The following CARMIL3 variants were observed in gnomAD, a reference collection of about 807,000 sequenced individuals.
The protein encoded by CARMIL3 is capping protein regulator and myosin 1 linker 3.
Under a neutral mutation model 180.8 loss-of-function variants are expected in CARMIL3, and 88 were observed. The ratio of observed to expected loss-of-function variants is 0.49; its 90% CI spans 0.41 to 0.58. The LOEUF (loss-of-function observed/expected upper bound fraction) is 0.58. Ranked by LOEUF, CARMIL3 falls within the 20% of genes least tolerant of loss-of-function variation. The pLI is 0.00. For synonymous variants in CARMIL3, 696 were observed against 714.5 expected (o/e 0.97, Z 0.41); for missense variants, 1,548 against 1,787.0 (o/e 0.87, Z 2.41).
At chr14:24,053,492 C>T (rs1023780752) in intron 1 of CARMIL3, among the ~76,000 whole-genome samples, 3 of 152,240 alleles carry the variant, frequency 2.0e-5, no homozygotes, top group Non-Finnish European at 2.9e-5. Flanking sequence ...TTTCTCCACA[C>T]CCTACTCCCT....
chr14:24,057,109 G>C lies in CARMIL3; in HGVS notation c.1063-58G>C, dbSNP rs1189388694. The C allele has an allele frequency of 3.8e-6, 6 of 1,595,430 alleles. No homozygotes were observed. The African/African-American group carries it at 6.7e-5, about 18-fold the overall frequency. On this transcript the variant is annotated intron_variant, in intron 13 of 39. Transcript: ENST00000342740. ...GGAGGCCTTCTGCCCCATGGCCTCTGGGGGTGGCGAGACTCCATCATCCCT... is the reference window on the plus strand; with the variant it reads ...GGAGGCCTTCTGCCCCATGGCCTCTCGGGGTGGCGAGACTCCATCATCCCT...
intron 1 of CARMIL3, among the ~76,000 whole-genome samples, chr14:24,052,823 CT>C (rs1422997582): frequency 2.6e-5 from 4 of 152,218 alleles, no homozygotes; most frequent in Non-Finnish European, 5.9e-5. Context: ...ATCAAGGCTT[CT>C]CCCGTTTGCA....
Position 24,061,894 on chromosome 14 carries a change from C to T in CARMIL3, c.2480+222C>T. On this transcript the variant is annotated intron_variant, in intron 27 of 39. Coordinates refer to ENST00000342740, the MANE Select transcript of CARMIL3 (RefSeq NM_138360.4). This position sits in a 1 kb window ranked among gnomAD's most constrained non-coding sequence, Gnocchi z 4.1. ...TTTAGGAGCCAAGTTTGTGCCCACA[C>T]AGGTGTACACACACATACCCACACA... The T allele has an allele frequency of 1.8e-6, 1 of 553,520 alleles. No individual in the cohort carries two copies. Among genetic ancestry groups the T allele is most frequent in the Non-Finnish European group, 3.2e-6 (1 of 312,914 alleles). The allele number at this position is 553,520 out of a possible 1,614,324, so 34.3% of individuals were successfully genotyped here.
chr14:24,055,852 C>T (rs1052836581), intron 10 of CARMIL3, 63 bp downstream of exon 10: 1 of 1,459,192 alleles, frequency 6.9e-7, no homozygotes, highest in African/African-American at 1.4e-5. Flanking sequence ...GTCCCAGAAC[C>T]TCAGAGCATG....
At chr14:24,060,540 G>A in intron 24 of CARMIL3, 88 bp from the exon 25 acceptor site, 7 of 1,543,262 alleles carry the variant, frequency 4.5e-6, no homozygotes, top group Non-Finnish European at 6.1e-6. Context: ...CACTGTCGGT[G>A]CCAGCACCAG....
At position 24,061,529 on chromosome 14, in the gene CARMIL3, G is replaced by A. The variant is rs2035733367; in HGVS notation, c.2337G>A (p.Gln779=). 2 of 1,613,886 alleles carry A rather than the reference G, an allele frequency of 1.2e-6. No homozygotes were observed. Among genetic ancestry groups the A allele is most frequent in the East Asian group, 2.2e-5 (1 of 44,874 alleles). ...TGGAGTCCATGGTCAGCCTGACACA[G>A]GAGTTATGCCCTGTGGCCATGCGGG... The part of the protein sequence containing the change: ...VILESMVSLT[Q]ELCPVAMRVA... Residue 779 remains glutamine (Q), a synonymous_variant, in exon 27 of 40, where the codon CAG becomes CAA. Coordinates refer to ENST00000342740, the MANE Select transcript of CARMIL3 (RefSeq NM_138360.4). This position sits in a 1 kb window ranked among gnomAD's most constrained non-coding sequence, Gnocchi z 4.1.
Position 24,065,104 on chromosome 14 carries a change from G to A in CARMIL3, c.3227G>A (p.Gly1076Glu), listed in dbSNP as rs1486561155. 2 of 1,560,684 alleles carry A rather than the reference G, an allele frequency of 1.3e-6. No individual in the cohort carries two copies. The highest frequency in any genetic ancestry group is 1.9e-5 in the Admixed American group (1 of 52,390). The stretch of plus-strand genomic sequence containing the variant: ...AGGGGGCCGGGGTCCCCTACCACTG[G>A]ACTCCTCCTCCCTCCACCCCCACCC... ...GDRGPGSPTT[G>E]LLLPPPPPPP... is the part of the protein sequence containing the mutation. The change falls in exon 33 of 40, where the codon GGA (glycine) becomes GAA (glutamate). Residue 1076 changes from glycine (G) to glutamate (E), a missense_variant. This residue lies in a region of CARMIL3 where 668 missense variants were observed against 687.8 expected (regional missense o/e 0.97). Transcript: ENST00000342740.
chr14:24,069,155 G>A lies in CARMIL3; in HGVS notation c.4001G>A (p.Arg1334Gln), dbSNP rs576168984. ...PEVQGPPDPGRRTAPLKPKRT... is the reference protein window; with the variant it reads ...PEVQGPPDPGQRTAPLKPKRT... ...ATTTCAGGGCCCCCTGATCCAGGCC[G>A]GCGGACTGCCCCCCTGAAGCCCAAG... Residue 1334 changes from arginine to glutamine, a missense_variant, in exon 39 of 40, where the codon CGG (arginine) becomes CAG (glutamine). Coordinates refer to ENST00000342740, the MANE Select transcript of CARMIL3 (RefSeq NM_138360.4). 36 of 1,614,124 alleles carry A rather than the reference G, an allele frequency of 2.2e-5. No homozygotes were observed. The highest frequency in any genetic ancestry group is 5.5e-5 in the South Asian group (5 of 91,086).
chr14:24,054,098 C>T lies in CARMIL3; in HGVS notation c.146C>T (p.Ser49Phe). 1 of 1,613,890 alleles carries T rather than the reference C, an allele frequency of 6.2e-7. No homozygotes were observed. Among genetic ancestry groups the T allele is most frequent in the Non-Finnish European group, 8.5e-7 (1 of 1,180,008 alleles). ...TTCCTCTCTCTGTAGGCCCTGACCTCCTGGCGCCTCCACCTCTTCCTCCTT... is the reference window on the plus strand; with the variant it reads ...TTCCTCTCTCTGTAGGCCCTGACCTTCTGGCGCCTCCACCTCTTCCTCCTT... ...KFEDRVLALT[S>F]WRLHLFLLKV... Residue 49 changes from serine (S) to phenylalanine (F), a missense_variant, in exon 3 of 40, where the codon TCC (serine) becomes TTC (phenylalanine). By Grantham distance (155) the Ser-to-Phe change is radical. This residue lies in a region of CARMIL3 where 578 missense variants were observed against 666.5 expected (regional missense o/e 0.87). Transcript: ENST00000342740. The surrounding 1 kb of genome is among the most constrained non-coding windows in gnomAD (Gnocchi z 5.1).
In CARMIL3 at chr14:24,069,551, G is replaced by T; in HGVS notation, c.*147G>T. 9.6e-7 allele frequency: 1 copy of T among 1,041,530 alleles called. No individual in the cohort carries two copies. 64.5% of individuals were successfully genotyped at this position (1,041,530 alleles called of 1,614,324 possible). A position where few individuals can be genotyped will look rare whatever the true frequency, so the allele number is the denominator to read the frequency against. ...CCAGGCATGGGGGAGCTGGAGGCAG[G>T]GACTAGAACAGAGGGAGCCACCTGG... On this transcript the variant is annotated 3_prime_UTR_variant, in exon 40 of 40. Transcript: ENST00000342740.
chr14:24,062,499 G>A lies in CARMIL3; in HGVS notation c.2500G>A (p.Val834Ile), dbSNP rs759878850. The change falls in exon 28 of 40, where the codon GTC becomes ATC. Residue 834 changes from valine to isoleucine, a missense_variant. By Grantham distance (29) the Val-to-Ile change is conservative (BLOSUM62 3). Coordinates refer to ENST00000342740, the MANE Select transcript of CARMIL3 (RefSeq NM_138360.4). ...CCACAGTGAAGTGAAGCTCTCAGTC[G>A]TCACCTACCTAACCAGCTCCATAGT... is the stretch of plus-strand genomic sequence containing the variant. The part of the protein sequence containing the change: ...NKLDEVKLSV[V>I]TYLTSSIVDE... The A allele has an allele frequency of 1.7e-5, 27 of 1,614,044 alleles. 1 individual carries two copies. The highest frequency in any genetic ancestry group is 6.7e-5 in the Admixed American group (4 of 60,012).
chr14:24,069,369 T>C lies in CARMIL3; in HGVS notation c.4094-10T>C. On this transcript the variant is annotated splice_polypyrimidine_tract_variant and intron_variant, in intron 39 of 39. Transcript: ENST00000342740. ...CAGGAAACAGGGCTCCCTGGATTTGTCCCCAGCAGGAACCAGTGAGCCAGG... is the reference window on the plus strand; with the variant it reads ...CAGGAAACAGGGCTCCCTGGATTTGCCCCCAGCAGGAACCAGTGAGCCAGG... 6.2e-7 allele frequency: 1 copy of C among 1,614,004 alleles called. No homozygotes were observed. Among genetic ancestry groups the C allele is most frequent in the Non-Finnish European group, 8.5e-7 (1 of 1,179,982 alleles).
In CARMIL3 at chr14:24,058,105, A is replaced by T; in HGVS notation, c.1322+41A>T. The T allele has an allele frequency of 6.2e-7, 1 of 1,613,704 alleles. No individual in the cohort carries two copies. Among genetic ancestry groups the T allele is most frequent in the South Asian group, 1.1e-5 (1 of 91,074 alleles). On this transcript the variant is annotated intron_variant, in intron 16 of 39. Coordinates refer to ENST00000342740, the MANE Select transcript of CARMIL3 (RefSeq NM_138360.4). The surrounding 1 kb of genome is among the most constrained non-coding windows in gnomAD (Gnocchi z 6.4). Reference sequence around the variant, plus strand: ...GGTTGGGGGCGCATCCAAGGGAACCACGGGGAGCGGGAAGAGGTAAAGGAG... The same window carrying T: ...GGTTGGGGGCGCATCCAAGGGAACCTCGGGGAGCGGGAAGAGGTAAAGGAG...
At chr14:24,056,830 A>C (rs990014578) in intron 12 of CARMIL3, 85 bp from the exon 13 acceptor site, 1 of 1,537,492 alleles carries the variant, frequency 6.5e-7, no homozygotes, top group Non-Finnish European at 9.0e-7. Context: ...AAAAGGAGCC[A>C]CGTTTGGGGA....
intron 31 of CARMIL3, among the ~76,000 whole-genome samples, chr14:24,063,896 TC>T (rs35481857): frequency 0.24 from 35,704 of 151,150 alleles, 4,327 homozygotes; most frequent in East Asian, 0.41. Flanking sequence ...GAGATCGAGA[TC>T]ATCCTGGCCA....
In CARMIL3 at chr14:24,068,921, C is replaced by A; in HGVS notation, c.3937C>A (p.Leu1313Met). 1.3e-6 allele frequency: 2 copies of A among 1,587,748 alleles called. No individual in the cohort carries two copies. The highest frequency in any genetic ancestry group is 1.7e-6 in the Non-Finnish European group (2 of 1,166,792). ...AGCTCCAGGAGTCAACAAACCCCGG[C>A]TGAGGCTGAGCTCACAGCAAGACCA... is the stretch of plus-strand genomic sequence containing the variant. The part of the protein sequence containing the change: ...DAAPGVNKPR[L>M]RLSSQQDQEE... The change falls in exon 38 of 40, where the codon CTG (leucine) becomes ATG (methionine). Residue 1313 changes from leucine to methionine, a missense_variant. Transcript: ENST00000342740.
At chr14:24,055,188 G>A (rs1326598967) in intron 7 of CARMIL3, 49 bp from the exon 8 acceptor site, 1 of 1,613,850 alleles carries the variant, frequency 6.2e-7, no homozygotes, top group Non-Finnish European at 8.5e-7. Flanking sequence ...GAGGGAAGGG[G>A]CTAAGAAGGA....
At position 24,059,295 on chromosome 14, in the gene CARMIL3, ACTCCCGGCTGAAGCTTCGCACCAGCATC is replaced by A; in HGVS notation, c.1656_1683del (p.Arg553SerfsTer15). On this transcript the variant is annotated frameshift_variant, in exon 21 of 40. Coordinates refer to ENST00000342740, the MANE Select transcript of CARMIL3 (RefSeq NM_138360.4). LOFTEE classifies it high-confidence loss of function. The surrounding 1 kb of genome is among the most constrained non-coding windows in gnomAD (Gnocchi z 6.3). ...TCCCTGCAGTCACTGTCGGTGGCAG[ACTCCCGGCTGAAGCTTCGCACCAGCATC>A]CTCATCAATGCCCTGGGCAGCAACA... 1 of 1,613,530 alleles carries A rather than the reference ACTCCCGGCTGAAGCTTCGCACCAGCATC, an allele frequency of 6.2e-7. No homozygotes were observed. The highest frequency in any genetic ancestry group is 1.1e-5 in the South Asian group (1 of 91,046).
intron 36 of CARMIL3, 54 bp from the exon 37 acceptor site, chr14:24,068,530 A>G (rs1315202122): frequency 6.7e-7 from 1 of 1,488,896 alleles, no homozygotes; most frequent in South Asian, 1.2e-5. Context: ...AGACAGGGAC[A>G]GGAGCTATGC....
Sources: allele counts gnomAD v4.1 joint callset (sites outside exome capture counted in the v4.1 genomes callset), GRCh38; gene constraint gnomAD v4.1.1; regional missense constraint gnomAD v4.1.1; non-coding constraint Gnocchi (gnomAD v3.1); transcripts MANE v1.5; gene names NCBI Gene and HGNC (gene_info 2026-07-23, HGNC 2026-07-21).